Variants in RTRAF observed in about 807,000 individuals in gnomAD.
RTRAF encodes RNA transcription, translation and transport factor, also known as tRNA-splicing ligase complex subunit RTRAF.
In RTRAF, 14 loss-of-function variants were observed where a neutral mutation model predicts 34.4. That is an observed-to-expected ratio of 0.41 (90% CI 0.27 to 0.64). The LOEUF (loss-of-function observed/expected upper bound fraction) is 0.64, where lower values mean the gene tolerates loss of function less well. RTRAF is among the 30% of genes least tolerant of loss of function. RTRAF has a pLI of 0.34. For synonymous variants in RTRAF, 96 were observed against 95.3 expected (o/e 1.01, Z -0.04); for missense variants, 291 against 288.4 (o/e 1.01, Z -0.06).
In RTRAF at chr14:51,989,617, G is replaced by GA; in HGVS notation, c.-22dup. The GA allele has an allele frequency of 6.3e-7, 1 of 1,593,678 alleles. No individual in the cohort carries two copies. The highest frequency in any genetic ancestry group is 8.5e-7 in the Non-Finnish European group (1 of 1,170,700). The stretch of plus-strand genomic sequence containing the variant: ...CTTCTCTCCCGGCCGAGGCCCGGGG[G>GA]ACCAGAGCGAGAAGCGGGGACCATG... On this transcript the variant is annotated 5_prime_UTR_variant, in exon 1 of 8. Transcript: ENST00000261700.
chr14:52,009,444 C>A lies in RTRAF; in HGVS notation c.*4928C>A, dbSNP rs544889186. ...GGAAGGCTTGACAACCATTCTGTTACGCAGTTGAAGGAGATGTAATTACAT... is the reference window on the plus strand; with the variant it reads ...GGAAGGCTTGACAACCATTCTGTTAAGCAGTTGAAGGAGATGTAATTACAT... On this transcript the variant is annotated 3_prime_UTR_variant, in exon 8 of 8. Coordinates refer to ENST00000261700, the MANE Select transcript of RTRAF (RefSeq NM_016039.3). 2.6e-5 allele frequency: 4 copies of A among 152,264 alleles called. No homozygotes were observed. The South Asian group carries it at 6.2e-4, about 24-fold the overall frequency. The allele number at this position is 152,264 out of a possible 1,614,324, so 9.4% of individuals were successfully genotyped here.
Position 52,001,783 on chromosome 14 carries a change from T to G in RTRAF, c.463-15T>G, listed in dbSNP as rs1890605090. On this transcript the variant is annotated splice_polypyrimidine_tract_variant and intron_variant, in intron 5 of 7. Coordinates refer to ENST00000261700, the MANE Select transcript of RTRAF (RefSeq NM_016039.3). Reference sequence around the variant, plus strand: ...CACAGCCTATAAAAAGTAAAAATATTTTTGGGTTTCTTAGGCAATTCGGAT... The same window carrying G: ...CACAGCCTATAAAAAGTAAAAATATGTTTGGGTTTCTTAGGCAATTCGGAT... 1.9e-6 allele frequency: 3 copies of G among 1,609,302 alleles called. No individual in the cohort carries two copies. Among genetic ancestry groups the G allele is most frequent in the African/African-American group, 1.3e-5 (1 of 74,592 alleles).
Position 52,004,893 on chromosome 14 carries a change from T to A in RTRAF, c.*377T>A, listed in dbSNP as rs2140333664. On this transcript the variant is annotated 3_prime_UTR_variant, in exon 8 of 8. Transcript: ENST00000261700. The stretch of plus-strand genomic sequence containing the variant: ...TATTTATAAATGTGATACTTTACTT[T>A]CTGTGGGTACTTCTATAGAGGCACT... 1 of 164,644 alleles carries A rather than the reference T, an allele frequency of 6.1e-6. No individual in the cohort carries two copies. The highest frequency in any genetic ancestry group is 2.0e-4 in the South Asian group (1 of 5,076). The allele number at this position is 164,644 out of a possible 1,614,324, so 10.2% of individuals were successfully genotyped here.
chr14:51,989,801 T>C (rs745965835), intron 1 of RTRAF, 101 bp downstream of exon 1: 126 of 1,264,504 alleles, frequency 1.0e-4, no homozygotes, highest in Non-Finnish European at 1.3e-4. Context: ...CTCGGCGGCC[T>C]GGTTTCCGCC....
chr14:51,999,823 C>T (rs746000691), intron 5 of RTRAF, 27 bp downstream of exon 5: 10 of 1,510,132 alleles, frequency 6.6e-6, no homozygotes, highest in Admixed American at 3.5e-5. Context: ...TGATTCTTGA[C>T]AGAAACTGTG....
chr14:52,001,435 T>C (rs1890600708), intron 5 of RTRAF, among the ~76,000 whole-genome samples: 1 of 152,200 alleles, frequency 6.6e-6, no homozygotes, highest in Non-Finnish European at 1.5e-5. Context: ...GCTCGTCATT[T>C]CGCAGTTTTA....
In RTRAF at chr14:52,010,249, G is replaced by T. The variant is rs1890957629; in HGVS notation, c.*5733G>T. 1 of 152,162 alleles carries T rather than the reference G, an allele frequency of 6.6e-6. No homozygotes were observed. Among genetic ancestry groups the T allele is most frequent in the African/African-American group, 2.4e-5 (1 of 41,436 alleles). The allele number at this position is 152,162 out of a possible 1,614,324, so 9.4% of individuals were successfully genotyped here. A position where few individuals can be genotyped will look rare whatever the true frequency, so the allele number is the denominator to read the frequency against. ...CTTTACTGATTTGAAGGGCATCTGG[G>T]AATTTCATTTCGTAGAAACTCCACT... On this transcript the variant is annotated 3_prime_UTR_variant, in exon 8 of 8. Coordinates refer to ENST00000261700, the MANE Select transcript of RTRAF (RefSeq NM_016039.3).
At chr14:51,994,335 T>G (rs1272287705) in intron 3 of RTRAF, among the ~76,000 whole-genome samples, 1 of 152,238 alleles carries the variant, frequency 6.6e-6, no homozygotes, top group Non-Finnish European at 1.5e-5. Context: ...ATTAGACCAT[T>G]TCATTTTGAA....
rs1218391723 is a variant in RTRAF, at chr14:51,989,925, C to G, written c.61+225C>G. ...CTGTCTCGGCATGTTACTTTCTGCA[C>G]TTGCTTAACTCCAAGCATCACGTAA... On this transcript the variant is annotated intron_variant, in intron 1 of 7. Coordinates refer to ENST00000261700, the MANE Select transcript of RTRAF (RefSeq NM_016039.3). Among the ~76,000 whole-genome samples, 3 of 152,240 alleles carry G rather than the reference C, an allele frequency of 2.0e-5. No individual in the cohort carries two copies. In the East Asian group the frequency reaches 5.8e-4, roughly 29 times the overall value.
At chr14:51,999,055 T>G (rs1219803655) in intron 4 of RTRAF, among the ~76,000 whole-genome samples, 2 of 152,016 alleles carry the variant, frequency 1.3e-5, no homozygotes, top group Non-Finnish European at 2.9e-5. Context: ...CCCTTTTGAA[T>G]GAGTGAGCCT....
In RTRAF at chr14:52,004,603, C is replaced by T. The variant is rs187883344; in HGVS notation, c.*87C>T. On this transcript the variant is annotated 3_prime_UTR_variant, in exon 8 of 8. Coordinates refer to ENST00000261700, the MANE Select transcript of RTRAF (RefSeq NM_016039.3). ...TGTTTGGAAATCAAAATGTCACATTCTCGGGGGAGGAAGCCCAGAAAATTG... is the reference window on the plus strand; with the variant it reads ...TGTTTGGAAATCAAAATGTCACATTTTCGGGGGAGGAAGCCCAGAAAATTG... The T allele has an allele frequency of 8.8e-5, 118 of 1,346,126 alleles. No homozygotes were observed. The East Asian group carries it at 1.0e-3, about 12-fold the overall frequency. The allele number at this position is 1,346,126 out of a possible 1,614,324, so 83.4% of individuals were successfully genotyped here.
At chr14:51,999,218 T>A (rs887182440) in intron 4 of RTRAF, 1 of 152,910 alleles carries the variant, frequency 6.5e-6, no homozygotes, top group South Asian at 2.0e-4. Flanking sequence ...AGGACAAATA[T>A]AATGTGAGTT....
rs976757520 is a variant in RTRAF at position 52,008,202 on chromosome 14, C to G, written c.*3686C>G. 6 of 395,216 alleles carry G rather than the reference C, an allele frequency of 1.5e-5. No individual in the cohort carries two copies. The highest frequency in any genetic ancestry group is 2.7e-5 in the Non-Finnish European group (6 of 221,042). 24.5% of individuals were successfully genotyped at this position (395,216 alleles called of 1,614,324 possible). A position where few individuals can be genotyped will look rare whatever the true frequency, so the allele number is the denominator to read the frequency against. The stretch of plus-strand genomic sequence containing the variant: ...AAAACTGGTTTCTGCCTTAGGGGCT[C>G]TCTCTTGCTCCCTTTGAGGGAAGCT... On this transcript the variant is annotated 3_prime_UTR_variant, in exon 8 of 8. Transcript: ENST00000261700.
intron 3 of RTRAF, among the ~76,000 whole-genome samples, chr14:51,995,867 T>G (rs1046061285): frequency 6.6e-6 from 1 of 152,326 alleles, no homozygotes; most frequent in East Asian, 1.9e-4. Context: ...GCCTTATGGC[T>G]TTAGTGTAGT....
rs1555361304 is a variant in RTRAF, at chr14:52,005,220, A to ACAAGAAGTTGC, written c.*705_*715dup. 8.6e-6 allele frequency: 3 copies of ACAAGAAGTTGC among 348,918 alleles called. No individual in the cohort carries two copies. The Admixed American group carries it at 1.3e-4, about 15-fold the overall frequency. The allele number at this position is 348,918 out of a possible 1,614,324, so 21.6% of individuals were successfully genotyped here. On this transcript the variant is annotated 3_prime_UTR_variant, in exon 8 of 8. Transcript: ENST00000261700. Reference sequence around the variant, plus strand: ...TTTTAAATATTAATGATAAATGTTTACAAGAAGTTGCTTTAATAAGCAACA... The same window carrying ACAAGAAGTTGC: ...TTTTAAATATTAATGATAAATGTTTACAAGAAGTTGCCAAGAAGTTGCTTTAATAAGCAACA...
At chr14:51,991,276 T>G (rs749784624) in intron 1 of RTRAF, 41 bp from the exon 2 acceptor site, 1 of 1,588,220 alleles carries the variant, frequency 6.3e-7, no homozygotes, top group South Asian at 1.1e-5. Flanking sequence ...AGGTATTTTA[T>G]GTAGTGCTTC....
rs559796408 is a variant in RTRAF, at chr14:52,009,311, T to C, written c.*4795T>C. Reference sequence around the variant, plus strand: ...AATGATTTAATATCATCAACAACAATAAGTCTGAAACAAGCTCACACAGAT... The same window carrying C: ...AATGATTTAATATCATCAACAACAACAAGTCTGAAACAAGCTCACACAGAT... On this transcript the variant is annotated 3_prime_UTR_variant, in exon 8 of 8. Transcript: ENST00000261700. 1 of 152,294 alleles carries C rather than the reference T, an allele frequency of 6.6e-6. No individual in the cohort carries two copies. The highest frequency in any genetic ancestry group is 2.4e-5 in the African/African-American group (1 of 41,552). The allele number at this position is 152,294 out of a possible 1,614,324, so 9.4% of individuals were successfully genotyped here. A position where few individuals can be genotyped will look rare whatever the true frequency, so the allele number is the denominator to read the frequency against.
intron 3 of RTRAF, 149 bp from the exon 4 acceptor site, chr14:51,998,345 G>A (rs1890552181): frequency 2.0e-6 from 1 of 508,744 alleles, no homozygotes; most frequent in Admixed American, 4.0e-5. Context: ...TCCGAAGTCT[G>A]AAAAAATTTA....
rs1890880451 is a variant in RTRAF at position 52,008,476 on chromosome 14, G to A, written c.*3960G>A. ...TGGATTCCTGACTCACAGAAACTGT[G>A]AGACTAAATGTTATCTTACACTGCT... On this transcript the variant is annotated 3_prime_UTR_variant, in exon 8 of 8. Coordinates refer to ENST00000261700, the MANE Select transcript of RTRAF (RefSeq NM_016039.3). 1 of 152,718 alleles carries A rather than the reference G, an allele frequency of 6.5e-6. No individual in the cohort carries two copies. Among genetic ancestry groups the A allele is most frequent in the African/African-American group, 2.4e-5 (1 of 41,454 alleles). The allele number at this position is 152,718 out of a possible 1,614,324, so 9.5% of individuals were successfully genotyped here.
Sources: gnomAD v4.1 joint callset for allele counts (sites outside exome capture counted in the v4.1 genomes callset) on GRCh38, gnomAD v4.1.1 for gene constraint, MANE v1.5 for transcripts, NCBI Gene and HGNC (gene_info 2026-07-23, HGNC 2026-07-21) for gene names.